The following PTPRM variants were observed in gnomAD, a reference collection of about 807,000 sequenced individuals.
PTPRM encodes the protein receptor-type tyrosine-protein phosphatase mu.
In PTPRM, 47 loss-of-function variants were observed where a neutral mutation model predicts 186.7. The observed-to-expected ratio is 0.25, with a 90% CI of 0.20 to 0.32. The LOEUF is 0.32. PTPRM is among the 10% of genes least tolerant of loss of function. The pLI is 1.00. For missense variants in PTPRM, 1,494 were observed against 1,865.0 expected, an observed-to-expected ratio of 0.80 and a Z score of 3.66; for synonymous variants, 668 against 674.9, an observed-to-expected ratio of 0.99 and a Z score of 0.16.
chr18:7,956,505 A>G (rs141687208), intron 7 of PTPRM, among the ~76,000 whole-genome samples: 63 of 152,328 alleles, frequency 4.1e-4, no homozygotes, highest in South Asian at 4.1e-4. Context: ...GATACATGCT[A>G]TTGAGTACAG....
chr18:8,354,063 A>G (rs1046727477), intron 23 of PTPRM, among the ~76,000 whole-genome samples: 9 of 152,190 alleles, frequency 5.9e-5, no homozygotes, highest in African/African-American at 2.2e-4. Context: ...ACCACAAAAA[A>G]TTAGCTGGGC....
intron 1 of PTPRM, among the ~76,000 whole-genome samples, chr18:7,770,384 G>A (rs1179098256): frequency 6.6e-6 from 1 of 152,130 alleles, no homozygotes; most frequent in Non-Finnish European, 1.5e-5. Context: ...CTCATGAAGT[G>A]CAAGTTTTCA....
chr18:7,727,391 T>G (rs2040571651), intron 1 of PTPRM, among the ~76,000 whole-genome samples: 1 of 152,228 alleles, frequency 6.6e-6, no homozygotes, highest in Non-Finnish European at 1.5e-5. Context: ...CTTCATTGAA[T>G]TATTTTGGCT....
chr18:7,568,423 C>T lies in PTPRM; in HGVS notation c.73+532C>T, dbSNP rs1276564190. Among the ~76,000 whole-genome samples, 6 of 151,856 alleles carry T rather than the reference C, an allele frequency of 4.0e-5. No individual in the cohort carries two copies. Among genetic ancestry groups the T allele is most frequent in the Admixed American group, 1.3e-4 (2 of 15,266 alleles). ...CGGTGCCCTGCCCTCCCTGTCGCCC[C>T]CTGCCCGGCGCGGCTGGCGACCCCG... On this transcript the variant is annotated intron_variant, in intron 1 of 32. Transcript: ENST00000580170. The surrounding 1 kb of genome is among the most constrained non-coding windows in gnomAD (Gnocchi z 5.1).
rs145471510 is a variant in PTPRM at position 7,646,541 on chromosome 18, A to G, written c.73+78650A>G. 1.7e-4 allele frequency among the ~76,000 whole-genome samples: 26 copies of G among 152,098 alleles called. 1 individual carries two copies. In the East Asian group the frequency reaches 5.0e-3, roughly 29 times the overall value. On this transcript the variant is annotated intron_variant, in intron 1 of 32. Transcript: ENST00000580170. Reference sequence around the variant, plus strand: ...TGTGTTTCTGACTTATCTCTCGTATACTGGAGGACTCGCTCTTCCCACAGG... The same window carrying G: ...TGTGTTTCTGACTTATCTCTCGTATGCTGGAGGACTCGCTCTTCCCACAGG...
intron 2 of PTPRM, among the ~76,000 whole-genome samples, chr18:7,874,558 A>G (rs1266209304): frequency 1.3e-5 from 2 of 152,090 alleles, no homozygotes; most frequent in Non-Finnish European, 2.9e-5. Flanking sequence ...GCAAAAAAAA[A>G]AGAGAGAGAG....
chr18:7,580,767 G>A lies in PTPRM; in HGVS notation c.73+12876G>A, dbSNP rs190283329. Among the ~76,000 whole-genome samples the A allele has an allele frequency of 3.9e-4, 59 of 152,298 alleles. 1 individual carries two copies. Among genetic ancestry groups the A allele is most frequent in the African/African-American group, 1.4e-3 (59 of 41,574 alleles). On this transcript the variant is annotated intron_variant, in intron 1 of 32. Transcript: ENST00000580170. ...CATGTCATCCGAACGTGGGGTACAT[G>A]TACCATATTATGTCTCCCTCCCCAT...
At chr18:7,855,458 A>G (rs72893378) in intron 2 of PTPRM, among the ~76,000 whole-genome samples, 17,058 of 152,250 alleles carry the variant, frequency 0.11, 1,041 homozygotes, top group East Asian at 0.21. Flanking sequence ...TCCATGGAAC[A>G]TGCCACCTAC....
At chr18:8,005,717 C>A (rs1487115656) in intron 7 of PTPRM, among the ~76,000 whole-genome samples, 2 of 152,152 alleles carry the variant, frequency 1.3e-5, no homozygotes, top group African/African-American at 2.4e-5. Flanking sequence ...TCCCTCAGGG[C>A]TGCTCACTCT....
rs80307923 is a variant in PTPRM, at chr18:8,307,403, T to C, written c.2843-7378T>C. On this transcript the variant is annotated intron_variant, in intron 20 of 32. Transcript: ENST00000580170. ...ACCCCACGCTCACTGCTAACACAGG[T>C]ATCTCCTGGGCTTGAGGTGGATTCA... 1.6e-4 allele frequency among the ~76,000 whole-genome samples: 24 copies of C among 152,312 alleles called. No homozygotes were observed. The East Asian group carries it at 4.6e-3, about 29-fold the overall frequency.
intron 19 of PTPRM, among the ~76,000 whole-genome samples, chr18:8,285,963 C>T (rs2094952786): frequency 6.6e-6 from 1 of 152,172 alleles, no homozygotes; most frequent in Admixed American, 6.5e-5. Context: ...TGCACTCCAG[C>T]CTGGGCAACA....
At chr18:7,923,947 G>A (rs566030601) in intron 4 of PTPRM, among the ~76,000 whole-genome samples, 1 of 152,140 alleles carries the variant, frequency 6.6e-6, no homozygotes, top group Non-Finnish European at 1.5e-5. Flanking sequence ...TGATTGCTGC[G>A]CAGAGACATT....
At chr18:8,350,731 A>G (rs776424232) in intron 23 of PTPRM, among the ~76,000 whole-genome samples, 2 of 152,226 alleles carry the variant, frequency 1.3e-5, no homozygotes, top group Admixed American at 1.3e-4. Context: ...GTGCCTTCAC[A>G]GTGTGGCTCT....
intron 13 of PTPRM, among the ~76,000 whole-genome samples, chr18:8,115,577 A>G (rs1245943803): frequency 1.3e-5 from 2 of 152,212 alleles, no homozygotes; most frequent in Non-Finnish European, 2.9e-5. Context: ...GGCAATATAA[A>G]TTAACACTCA....
At chr18:8,266,918 A>T (rs2094707653) in intron 19 of PTPRM, among the ~76,000 whole-genome samples, 1 of 152,136 alleles carries the variant, frequency 6.6e-6, no homozygotes, top group African/African-American at 2.4e-5. Flanking sequence ...AAAAACAAAA[A>T]AAAAAGAATT....
At chr18:8,194,460 A>G (rs1452109483) in intron 14 of PTPRM, among the ~76,000 whole-genome samples, 1 of 152,232 alleles carries the variant, frequency 6.6e-6, no homozygotes. Flanking sequence ...AGTTGTCCAT[A>G]GAGTAACTCT....
chr18:8,113,536 C>T lies in PTPRM; in HGVS notation c.1907C>T (p.Thr636Met), dbSNP rs201745703. 5.0e-5 allele frequency: 80 copies of T among 1,613,530 alleles called. No homozygotes were observed. The highest frequency in any genetic ancestry group is 6.0e-5 in the Non-Finnish European group (71 of 1,179,588). Residue 636 changes from threonine (T) to methionine (M), a missense_variant, in exon 12 of 33, where the codon ACG (threonine) becomes ATG (methionine). This residue lies in a region of PTPRM where 1,107 missense variants were observed against 1,350.2 expected (regional missense o/e 0.82). Transcript: ENST00000580170. ...EEERPRRTKKTTEILKCYPVP... is the reference protein window; with the variant it reads ...EEERPRRTKKMTEILKCYPVP... ...GAACGTCCTCGAAGAACTAAAAAGA[C>T]GACAGAAATCTTAAAGTGCTACCCA... is the stretch of plus-strand genomic sequence containing the variant.
intron 9 of PTPRM, among the ~76,000 whole-genome samples, chr18:8,078,659 A>G (rs1242899032): frequency 6.6e-6 from 1 of 152,208 alleles, no homozygotes. Flanking sequence ...GAAATGCCAG[A>G]GGCTTGGTAA....
intron 14 of PTPRM, among the ~76,000 whole-genome samples, chr18:8,147,676 A>G (rs2092916868): frequency 6.6e-6 from 1 of 152,130 alleles, no homozygotes; most frequent in Admixed American, 6.5e-5. Flanking sequence ...AACTTCCAAT[A>G]CTATGTTAAA....
Sources: gnomAD v4.1 joint callset for allele counts (sites outside exome capture counted in the v4.1 genomes callset) on GRCh38, gnomAD v4.1.1 for gene constraint, gnomAD v4.1.1 regional missense constraint, Gnocchi (gnomAD v3.1) non-coding constraint, MANE v1.5 for transcripts, NCBI Gene and HGNC (gene_info 2026-07-23, HGNC 2026-07-21) for gene names.